The following SF3A3 variants were observed in gnomAD, a reference collection of about 807,000 sequenced individuals.
The protein encoded by SF3A3 is splicing factor 3a subunit 3.
SF3A3 carries 9 observed loss-of-function variants against 85.8 expected under a neutral mutation model. The observed-to-expected ratio is 0.10, with a 90% CI of 0.06 to 0.18. SF3A3 has a LOEUF of 0.18. Among genes scored for constraint, SF3A3 ranks in the 10% least tolerant of loss-of-function variants. The pLI is 1.00. For synonymous variants in SF3A3, 195 were observed against 204.4 expected, an observed-to-expected ratio of 0.95 and a Z score of 0.39; for missense variants, 306 against 593.3, an observed-to-expected ratio of 0.52 and a Z score of 5.03.
At chr1:37,974,015 G>A (rs1157001054) in intron 12 of SF3A3, among the ~76,000 whole-genome samples, 1 of 152,122 alleles carries the variant, frequency 6.6e-6, no homozygotes, top group Non-Finnish European at 1.5e-5. Context: ...CTCACTCATA[G>A]GTGGGAATTG....
At position 37,969,777 on chromosome 1, in the gene SF3A3, C is replaced by T. The variant is rs369388994; in HGVS notation, c.1006-42G>A. On this transcript the variant is annotated intron_variant, in intron 12 of 16. Coordinates refer to ENST00000373019, the MANE Select transcript of SF3A3 (RefSeq NM_006802.4). ...AATGAAAAGTCAGAAAAAAGTAGTG[C>T]AGAATAAGAAGGGAAATTTCCTGTT... The T allele has an allele frequency of 8.1e-6, 13 of 1,600,258 alleles. No homozygotes were observed. In the African/African-American group the frequency reaches 1.5e-4, roughly 18 times the overall value.
intron 14 of SF3A3, among the ~76,000 whole-genome samples, chr1:37,969,080 AAGAC>A (rs1646321368): frequency 6.6e-6 from 1 of 152,216 alleles, no homozygotes. Flanking sequence ...TGCTAGCAGA[AAGAC>A]AAAAACAGAG....
intron 15 of SF3A3, among the ~76,000 whole-genome samples, chr1:37,967,312 A>G (rs1646308644): frequency 6.7e-6 from 1 of 149,080 alleles, no homozygotes; most frequent in South Asian, 2.1e-4. Flanking sequence ...GGGAGGCTGA[A>G]GTGGGCGGAT....
rs568603116 is a variant in SF3A3 at position 37,978,574 on chromosome 1, C to T, written c.935+146G>A. ...ATATTAACAGTGATAGTACTCTCTG[C>T]TATTAGCAGAGATAAAGAGCAGACT... On this transcript the variant is annotated intron_variant, in intron 11 of 16. Coordinates refer to ENST00000373019, the MANE Select transcript of SF3A3 (RefSeq NM_006802.4). 2.0e-5 allele frequency: 12 copies of T among 597,346 alleles called. No individual in the cohort carries two copies. In the South Asian group the frequency reaches 2.4e-4, roughly 12 times the overall value. The allele number at this position is 597,346 out of a possible 1,614,324, so 37.0% of individuals were successfully genotyped here.
At chr1:37,989,634 C>T (rs767276991) in intron 1 of SF3A3, 39 bp from the exon 2 acceptor site, 1 of 1,608,826 alleles carries the variant, frequency 6.2e-7, no homozygotes, top group Admixed American at 1.7e-5. Context: ...CGTTAGTTTG[C>T]GTTCTGGAGT....
At position 37,989,551 on chromosome 1, in the gene SF3A3, T is replaced by C. The variant is rs765357809; in HGVS notation, c.141A>G (p.Gln47=). The C allele has an allele frequency of 6.2e-7, 1 of 1,613,638 alleles. No homozygotes were observed. The highest frequency in any genetic ancestry group is 8.5e-7 in the Non-Finnish European group (1 of 1,179,882). The change falls in exon 2 of 17, where the codon CAA becomes CAG. Residue 47 remains glutamine (Q), a synonymous_variant. Transcript: ENST00000373019. ...AGGCAGACAGCTGGGCACTCACATC[T>C]TGCATGGCCCGAGTGCGGTGATCAG... ...INSDHRTRAM[Q]DRYMEVSGNL... is the part of the protein sequence containing the mutation.
intron 15 of SF3A3, among the ~76,000 whole-genome samples, chr1:37,963,919 T>A (rs550095867): frequency 7.0e-6 from 1 of 143,382 alleles, no homozygotes; most frequent in Non-Finnish European, 1.5e-5. Flanking sequence ...TGGTGGCTCA[T>A]GCCTGTAATC....
Position 37,978,815 on chromosome 1 carries a change from C to T in SF3A3, c.840G>A (p.Glu280=). 6.4e-7 allele frequency: 1 copy of T among 1,573,710 alleles called. No individual in the cohort carries two copies. The highest frequency in any genetic ancestry group is 1.3e-5 in the African/African-American group (1 of 74,160). Residue 280 remains glutamate, a synonymous_variant, in exon 11 of 17, where the codon GAG becomes GAA. Transcript: ENST00000373019. ...LGLKCGGTLE[E]RAQRLFSTKG... is the part of the protein sequence containing the mutation. ...TGGTACTGAATAGTCTCTGGGCTCGCTCTTCTAGGGTCCTAAGGAGACAGG... is the reference window on the plus strand; with the variant it reads ...TGGTACTGAATAGTCTCTGGGCTCGTTCTTCTAGGGTCCTAAGGAGACAGG...
chr1:37,968,496 T>C (rs1404447496), intron 14 of SF3A3, among the ~76,000 whole-genome samples: 3 of 152,162 alleles, frequency 2.0e-5, no homozygotes, highest in East Asian at 3.9e-4. Flanking sequence ...CCTGCATGAA[T>C]AGGGGTTACT....
chr1:37,987,358 C>T (rs12024166), intron 4 of SF3A3, among the ~76,000 whole-genome samples: 52,779 of 151,980 alleles, frequency 0.35, 10,676 homozygotes, highest in Non-Finnish European at 0.45. Flanking sequence ...GGATTACAGG[C>T]GTGAGCCACC....
intron 1 of SF3A3, 40 bp from the exon 2 acceptor site, chr1:37,989,635 G>A: frequency 6.2e-7 from 1 of 1,609,056 alleles, no homozygotes; most frequent in South Asian, 1.1e-5. Context: ...GTTAGTTTGC[G>A]TTCTGGAGTA....
At chr1:37,989,655 G>T (rs938705171) in intron 1 of SF3A3, 60 bp from the exon 2 acceptor site, 1 of 1,582,934 alleles carries the variant, frequency 6.3e-7, no homozygotes, top group African/African-American at 1.4e-5. Flanking sequence ...AGAAAAGGCC[G>T]CCCGAGGGCG....
At chr1:37,982,703 A>G (rs1646428043) in intron 6 of SF3A3, among the ~76,000 whole-genome samples, 1 of 152,062 alleles carries the variant, frequency 6.6e-6, no homozygotes, top group East Asian at 1.9e-4. Flanking sequence ...ATCTTTAAGA[A>G]AAGACATTAA....
intron 16 of SF3A3, among the ~76,000 whole-genome samples, chr1:37,959,457 T>C (rs1048466154): frequency 6.6e-6 from 1 of 152,134 alleles, no homozygotes; most frequent in Non-Finnish European, 1.5e-5. Context: ...TCACCCAGAC[T>C]GGAGTGCAGT....
chr1:37,960,223 T>C (rs28675056), intron 15 of SF3A3, 48 bp from the exon 16 acceptor site: 1,374,136 of 1,561,500 alleles, frequency 0.88, 605,871 homozygotes, highest in East Asian at 1. Flanking sequence ...GAACATCTGT[T>C]GGGTATCCAG....
At chr1:37,989,215 A>C (rs538913006) in intron 2 of SF3A3, among the ~76,000 whole-genome samples, 2 of 152,016 alleles carry the variant, frequency 1.3e-5, no homozygotes, top group South Asian at 4.2e-4. Context: ...GAATCGCTTG[A>C]ACCCAGGAGG....
intron 1 of SF3A3, 116 bp from the exon 2 acceptor site, chr1:37,989,711 G>A (rs1646482008): frequency 1.5e-6 from 2 of 1,352,974 alleles, no homozygotes; most frequent in African/African-American, 1.5e-5. Context: ...AAAGGCCTCT[G>A]GGGCTCCGGA....
At chr1:37,973,997 C>T (rs894863935) in intron 12 of SF3A3, among the ~76,000 whole-genome samples, 7 of 152,028 alleles carry the variant, frequency 4.6e-5, no homozygotes, top group African/African-American at 9.7e-5. Context: ...AACCAAACAC[C>T]GAATGTTCTC....
intron 4 of SF3A3, among the ~76,000 whole-genome samples, chr1:37,985,328 T>C (rs781671084): frequency 6.6e-6 from 1 of 152,224 alleles, no homozygotes; most frequent in Non-Finnish European, 1.5e-5. Context: ...TTAATTCTCC[T>C]GAGAACAGGT....
Sources: allele counts gnomAD v4.1 joint callset (sites outside exome capture counted in the v4.1 genomes callset), GRCh38; gene constraint gnomAD v4.1.1; transcripts MANE v1.5; gene names NCBI Gene and HGNC (gene_info 2026-07-23, HGNC 2026-07-21).